The following TAAR1 variants were observed in gnomAD, a reference collection of about 807,000 sequenced individuals.
TAAR1 encodes the protein trace amine-associated receptor 1.
A neutral mutation model predicts 1.2 loss-of-function variants in TAAR1; 1 was observed. The ratio of observed to expected loss-of-function variants is 0.81; its 90% CI spans 0.29 to 3.86. The LOEUF (loss-of-function observed/expected upper bound fraction) is 3.86, where lower values mean the gene tolerates loss of function less well. Ranked by LOEUF, TAAR1 falls within the 30% of genes most tolerant of loss-of-function variation. TAAR1 has a pLI of 0.18. For synonymous variants in TAAR1, 153 were observed against 132.2 expected (o/e 1.16, Z -1.08); for missense variants, 445 against 405.6 (o/e 1.10, Z -0.83).
chr6:132,651,245 A>T (rs1299921355), intron 1 of TAAR1, among the ~76,000 whole-genome samples: 1 of 152,102 alleles, frequency 6.6e-6, no homozygotes, highest in Admixed American at 6.6e-5. Flanking sequence ...CTCAGTCCTC[A>T]GTTCCCTTTC....
At position 132,644,705 on chromosome 6, in the gene TAAR1, G is replaced by A. The variant is rs1777639499; in HGVS notation, c.*279C>T. Among the ~76,000 whole-genome samples, 1 of 151,968 alleles carries A rather than the reference G, an allele frequency of 6.6e-6. No homozygotes were observed. The highest frequency in any genetic ancestry group is 2.4e-5 in the African/African-American group (1 of 41,402). On this transcript the variant is annotated 3_prime_UTR_variant, in exon 2 of 2. Coordinates refer to ENST00000275216, the MANE Select transcript of TAAR1 (RefSeq NM_138327.4). ...GACTAAGGTACCACAGTAAACTCAT[G>A]GCAGTTCTTCTAAGGGCAGGAAAAG...
intron 1 of TAAR1, among the ~76,000 whole-genome samples, chr6:132,647,565 GAA>G (rs1777690329): frequency 6.9e-6 from 1 of 144,850 alleles, no homozygotes; most frequent in Admixed American, 7.0e-5. Flanking sequence ...AGAAAGGAAG[GAA>G]GGAAGGAAGG....
intron 1 of TAAR1, among the ~76,000 whole-genome samples, chr6:132,655,025 C>CA (rs1369223492): frequency 1.3e-5 from 2 of 151,600 alleles, no homozygotes; most frequent in African/African-American, 4.8e-5. Context: ...TCATGACCGC[C>CA]AAAAAAAATC....
chr6:132,646,018 A>G lies in TAAR1; in HGVS notation c.-15T>C, dbSNP rs1294278755. On this transcript the variant is annotated 5_prime_UTR_variant, in exon 2 of 2. Coordinates refer to ENST00000275216, the MANE Select transcript of TAAR1 (RefSeq NM_138327.4). ...AAGGGCATCATTCCTGAGGGCTGTC[A>G]ATCAGTTTACTTTTCCCTTTGTGTG... is the stretch of plus-strand genomic sequence containing the variant. 6.4e-7 allele frequency: 1 copy of G among 1,563,962 alleles called. No homozygotes were observed. Among genetic ancestry groups the G allele is most frequent in the East Asian group, 2.3e-5 (1 of 44,244 alleles).
In TAAR1 at chr6:132,644,425, A is replaced by T. The variant is rs1777635609; in HGVS notation, c.*559T>A. ...TTTTCCTTTATTTTTCAAATTTCTT[A>T]GAAGCATGAGAATCAGAAAAACATA... On this transcript the variant is annotated 3_prime_UTR_variant, in exon 2 of 2. Transcript: ENST00000275216. Among the ~76,000 whole-genome samples the T allele has an allele frequency of 1.3e-5, 2 of 151,928 alleles. No homozygotes were observed. Among genetic ancestry groups the T allele is most frequent in the African/African-American group, 4.8e-5 (2 of 41,422 alleles).
chr6:132,645,922 T>G lies in TAAR1; in HGVS notation c.82A>C (p.Ser28Arg). ...WSNDVRASLY[S>R]LMVLIILTTL... Reference sequence around the variant, plus strand: ...GTCAGAATTATGAGCACCATTAAACTGTACAGGGAAGCACGGACATCATTT... The same window carrying G: ...GTCAGAATTATGAGCACCATTAAACGGTACAGGGAAGCACGGACATCATTT... The change falls in exon 2 of 2, where the codon AGT becomes CGT. Residue 28 changes from serine (S) to arginine (R), a missense_variant. Physicochemically the swap from Ser to Arg is moderately radical, Grantham distance 110. Coordinates refer to ENST00000275216, the MANE Select transcript of TAAR1 (RefSeq NM_138327.4). 6.2e-7 allele frequency: 1 copy of G among 1,613,676 alleles called. No individual in the cohort carries two copies. The highest frequency in any genetic ancestry group is 1.1e-5 in the South Asian group (1 of 91,034).
At chr6:132,647,687 GA>G (rs1777702398) in intron 1 of TAAR1, among the ~76,000 whole-genome samples, 2 of 149,092 alleles carry the variant, frequency 1.3e-5, no homozygotes, top group African/African-American at 4.9e-5. Flanking sequence ...AAAGAAGAAA[GA>G]AAGGAAGGAA....
At position 132,645,836 on chromosome 6, in the gene TAAR1, G is replaced by T; in HGVS notation, c.168C>A (p.Thr56=). 1 of 1,613,618 alleles carries T rather than the reference G, an allele frequency of 6.2e-7. No homozygotes were observed. The highest frequency in any genetic ancestry group is 8.5e-7 in the Non-Finnish European group (1 of 1,179,754). ...VSISHFKQLH[T]PTNWLIHSMA... Reference sequence around the variant, plus strand: ...TGGAATGAATGAGCCAATTTGTTGGGGTATGAAGTTGTTTGAAGTGTGATA... The same window carrying T: ...TGGAATGAATGAGCCAATTTGTTGGTGTATGAAGTTGTTTGAAGTGTGATA... The change falls in exon 2 of 2, where the codon ACC becomes ACA. Residue 56 remains threonine, a synonymous_variant. Coordinates refer to ENST00000275216, the MANE Select transcript of TAAR1 (RefSeq NM_138327.4).
chr6:132,644,893 A>G lies in TAAR1; in HGVS notation c.*91T>C. 1.8e-6 allele frequency: 2 copies of G among 1,105,532 alleles called. No individual in the cohort carries two copies. Among genetic ancestry groups the G allele is most frequent in the South Asian group, 3.6e-5 (2 of 55,002 alleles). The allele number at this position is 1,105,532 out of a possible 1,614,324, so 68.5% of individuals were successfully genotyped here. A position where few individuals can be genotyped will look rare whatever the true frequency, so the allele number is the denominator to read the frequency against. ...TTGACTCAAGTAACTGATTTAAAAA[A>G]AAATCCATGTGGTTGGTGCATGTGG... On this transcript the variant is annotated 3_prime_UTR_variant, in exon 2 of 2. Transcript: ENST00000275216.
chr6:132,648,951 A>G (rs1777717356), intron 1 of TAAR1, among the ~76,000 whole-genome samples: 1 of 152,188 alleles, frequency 6.6e-6, no homozygotes, highest in Non-Finnish European at 1.5e-5. Context: ...TGACATATGA[A>G]TTAAAAATAT....
At chr6:132,647,389 CACACAT>C (rs765314421) in intron 1 of TAAR1, among the ~76,000 whole-genome samples, 14 of 133,878 alleles carry the variant, frequency 1.0e-4, no homozygotes, top group South Asian at 5.1e-4. Flanking sequence ...CACACACACA[CACACAT>C]ATATAACACA....
chr6:132,658,310 A>T (rs1777829009), intron 1 of TAAR1, among the ~76,000 whole-genome samples: 1 of 152,198 alleles, frequency 6.6e-6, no homozygotes, highest in Non-Finnish European at 1.5e-5. Context: ...TCAAAGAAAC[A>T]GGAAATGGGA....
intron 1 of TAAR1, among the ~76,000 whole-genome samples, chr6:132,647,669 AAAGAAAGAAAG>A (rs1777700271): frequency 6.8e-6 from 1 of 146,706 alleles, no homozygotes; most frequent in Non-Finnish European, 1.5e-5. Context: ...AGAAAGAAAG[AAAGAAAGAAAG>A]AAGAAAGAAA....
intron 1 of TAAR1, among the ~76,000 whole-genome samples, chr6:132,653,005 G>C (rs1777765554): frequency 6.6e-6 from 1 of 152,072 alleles, no homozygotes. Context: ...AAGGCCTTTT[G>C]AAAACTAAGC....
chr6:132,645,817 G>T lies in TAAR1; in HGVS notation c.187C>A (p.His63Asn), dbSNP rs776755880. 4 of 1,613,772 alleles carry T rather than the reference G, an allele frequency of 2.5e-6. No homozygotes were observed. Among genetic ancestry groups the T allele is most frequent in the Non-Finnish European group, 3.4e-6 (4 of 1,179,818 alleles). ...AGAAAGTCCACAGTGGCCATGGAATGAATGAGCCAATTTGTTGGGGTATGA... is the reference window on the plus strand; with the variant it reads ...AGAAAGTCCACAGTGGCCATGGAATTAATGAGCCAATTTGTTGGGGTATGA... ...QLHTPTNWLIHSMATVDFLLG... is the reference protein window; with the variant it reads ...QLHTPTNWLINSMATVDFLLG... The change falls in exon 2 of 2, where the codon CAT (histidine) becomes AAT (asparagine). Residue 63 changes from histidine to asparagine, a missense_variant. Coordinates refer to ENST00000275216, the MANE Select transcript of TAAR1 (RefSeq NM_138327.4).
intron 1 of TAAR1, among the ~76,000 whole-genome samples, chr6:132,651,205 C>T (rs566420507): frequency 4.6e-5 from 7 of 152,320 alleles, no homozygotes; most frequent in South Asian, 2.1e-4. Context: ...GTGGCTGTTA[C>T]GGTTCTTCTT....
At chr6:132,647,111 T>C (rs1258372701) in intron 1 of TAAR1, among the ~76,000 whole-genome samples, 1 of 152,092 alleles carries the variant, frequency 6.6e-6, no homozygotes, top group Non-Finnish European at 1.5e-5. Flanking sequence ...TGAGTTTCCA[T>C]GTGGGCCGTG....
At chr6:132,647,681 A>G (rs1234189681) in intron 1 of TAAR1, among the ~76,000 whole-genome samples, 11 of 142,544 alleles carry the variant, frequency 7.7e-5, no homozygotes, top group Admixed American at 4.2e-4. Context: ...AGAAAGAAAG[A>G]AGAAAGAAAG....
At chr6:132,652,324 A>G (rs1004646967) in intron 1 of TAAR1, among the ~76,000 whole-genome samples, 2 of 114,434 alleles carry the variant, frequency 1.7e-5, no homozygotes, top group Admixed American at 9.1e-5. Context: ...TTTTTTTCTG[A>G]GATGGAGTCT....
Sources: allele counts gnomAD v4.1 joint callset (sites outside exome capture counted in the v4.1 genomes callset), GRCh38; gene constraint gnomAD v4.1.1; transcripts MANE v1.5; gene names NCBI Gene and HGNC (gene_info 2026-07-23, HGNC 2026-07-21).